The following PARP8 variants were observed in gnomAD, a reference collection of about 807,000 sequenced individuals.
PARP8 encodes protein mono-ADP-ribosyltransferase PARP8.
In PARP8, 51 loss-of-function variants were observed where a neutral mutation model predicts 124.1. The ratio of observed to expected loss-of-function variants is 0.41; its 90% CI spans 0.33 to 0.52. The LOEUF is 0.52. Ranked by LOEUF, PARP8 falls within the 20% of genes least tolerant of loss-of-function variation. The pLI is 0.21. For synonymous variants in PARP8, 391 were observed against 361.5 expected (o/e 1.08, Z -0.93); for missense variants, 860 against 1,018.9 (o/e 0.84, Z 2.12).
In PARP8 at chr5:50,799,867, G is replaced by T. The variant is rs567984520; in HGVS notation, c.1575+2634G>T. ...GACACAGCAAGAAGATCAATTTGTG[G>T]CCTTACTGTCACTCTGGTCTATGAA... On this transcript the variant is annotated intron_variant, in intron 14 of 25. Coordinates refer to ENST00000281631, the MANE Select transcript of PARP8 (RefSeq NM_024615.4). 1.4e-4 allele frequency among the ~76,000 whole-genome samples: 21 copies of T among 152,208 alleles called. 1 individual carries two copies. Among genetic ancestry groups the T allele is most frequent in the African/African-American group, 5.1e-4 (21 of 41,534 alleles).
intron 2 of PARP8, among the ~76,000 whole-genome samples, chr5:50,687,766 T>C (rs1752028919): frequency 6.6e-6 from 1 of 152,166 alleles, no homozygotes; most frequent in Non-Finnish European, 1.5e-5. Flanking sequence ...TCAGATCTCT[T>C]GAGAGTTACT....
rs1278177987 is a variant in PARP8, at chr5:50,844,915, G to C, written c.*2847G>C. The C allele has an allele frequency of 6.6e-6, 1 of 151,022 alleles. No individual in the cohort carries two copies. Among genetic ancestry groups the C allele is most frequent in the African/African-American group, 2.4e-5 (1 of 41,182 alleles). The allele number at this position is 151,022 out of a possible 1,614,324, so 9.4% of individuals were successfully genotyped here. A position where few individuals can be genotyped will look rare whatever the true frequency, so the allele number is the denominator to read the frequency against. ...ATAGTAAGACACTTTTGGTGTCTTC[G>C]AGTGCACTATGTTGGAATAAATTTT... is the stretch of plus-strand genomic sequence containing the variant. On this transcript the variant is annotated 3_prime_UTR_variant, in exon 26 of 26. Transcript: ENST00000281631.
intron 2 of PARP8, among the ~76,000 whole-genome samples, chr5:50,706,599 T>G (rs545233914): frequency 6.6e-6 from 1 of 152,240 alleles, no homozygotes; most frequent in African/African-American, 2.4e-5. Context: ...TATTTTATTT[T>G]TTGTTTTTGC....
At chr5:50,667,246 C>T in intron 1 of PARP8, 60 bp downstream of exon 1, 1 of 1,531,326 alleles carries the variant, frequency 6.5e-7, no homozygotes, top group Non-Finnish European at 8.9e-7. Flanking sequence ...TTTCTGACCG[C>T]GACGTCTGTG....
intron 14 of PARP8, among the ~76,000 whole-genome samples, chr5:50,806,384 T>C (rs1046407629): frequency 1.3e-5 from 2 of 152,042 alleles, no homozygotes; most frequent in African/African-American, 4.8e-5. Context: ...TTGTGGGCAA[T>C]TCATTCCTAT....
rs1251283910 is a variant in PARP8 at position 50,843,616 on chromosome 5, A to C, written c.*1548A>C. 1 of 151,772 alleles carries C rather than the reference A, an allele frequency of 6.6e-6. No individual in the cohort carries two copies. Among genetic ancestry groups the C allele is most frequent in the African/African-American group, 2.4e-5 (1 of 41,368 alleles). The allele number at this position is 151,772 out of a possible 1,614,324, so 9.4% of individuals were successfully genotyped here. Reference sequence around the variant, plus strand: ...AATCATTTTGATAGTATCTACTTAAAGCATTGATCTGTTTTGACTTGTGGC... The same window carrying C: ...AATCATTTTGATAGTATCTACTTAACGCATTGATCTGTTTTGACTTGTGGC... On this transcript the variant is annotated 3_prime_UTR_variant, in exon 26 of 26. Coordinates refer to ENST00000281631, the MANE Select transcript of PARP8 (RefSeq NM_024615.4).
chr5:50,744,978 T>A (rs1284742810), intron 2 of PARP8: 1 of 516,614 alleles, frequency 1.9e-6, no homozygotes, highest in Non-Finnish European at 3.4e-6. Context: ...ACTCATTAGA[T>A]CCTTGAGCCA....
chr5:50,689,206 G>C (rs1752231101), intron 2 of PARP8, among the ~76,000 whole-genome samples: 1 of 151,920 alleles, frequency 6.6e-6, no homozygotes. Context: ...TGTGTTCTCT[G>C]TCCTTTTTTC....
At chr5:50,830,141 A>G (rs1199010832) in intron 22 of PARP8, among the ~76,000 whole-genome samples, 180 bp downstream of exon 22, 1 of 152,178 alleles carries the variant, frequency 6.6e-6, no homozygotes, top group Non-Finnish European at 1.5e-5. Context: ...TACTCTCCCT[A>G]GTGTACAAGA....
chr5:50,762,151 A>C (rs1411086966), intron 6 of PARP8, among the ~76,000 whole-genome samples: 1 of 152,146 alleles, frequency 6.6e-6, no homozygotes. Flanking sequence ...GATTTTGCAG[A>C]TAGTATTTTA....
chr5:50,682,974 C>G (rs1751459847), intron 2 of PARP8, among the ~76,000 whole-genome samples: 1 of 151,906 alleles, frequency 6.6e-6, no homozygotes, highest in Non-Finnish European at 1.5e-5. Context: ...GAAATTAGGA[C>G]TGACCCAAAA....
At chr5:50,764,950 CT>C (rs1430610887) in intron 7 of PARP8, among the ~76,000 whole-genome samples, 1 of 151,746 alleles carries the variant, frequency 6.6e-6, no homozygotes. Context: ...TAGACTTCAA[CT>C]TCTTTTTTTT....
chr5:50,715,795 TACAA>T (rs1200231058), intron 2 of PARP8, among the ~76,000 whole-genome samples: 1 of 152,110 alleles, frequency 6.6e-6, no homozygotes, highest in Non-Finnish European at 1.5e-5. Context: ...TTAGATTTTT[TACAA>T]ACAGTTATGT....
chr5:50,731,828 T>C (rs1334024927), intron 2 of PARP8, among the ~76,000 whole-genome samples: 1 of 152,168 alleles, frequency 6.6e-6, no homozygotes, highest in Non-Finnish European at 1.5e-5. Flanking sequence ...AGCCAGGTTA[T>C]TTTGTAAATT....
At chr5:50,755,406 C>A (rs1224248765) in intron 3 of PARP8, among the ~76,000 whole-genome samples, 2 of 152,150 alleles carry the variant, frequency 1.3e-5, no homozygotes, top group Non-Finnish European at 2.9e-5. Flanking sequence ...TATGGCTAGC[C>A]AGTTTTCCCA....
intron 15 of PARP8, among the ~76,000 whole-genome samples, 186 bp downstream of exon 15, chr5:50,815,710 T>G (rs1205881839): frequency 1.3e-5 from 2 of 152,218 alleles, no homozygotes; most frequent in Non-Finnish European, 2.9e-5. Flanking sequence ...GTGTGTTTCG[T>G]TATTTTGTGA....
In PARP8 at chr5:50,795,387, ACCATCT is replaced by A; in HGVS notation, c.1399_1404del (p.Pro467_Ser468del). 1 of 1,602,900 alleles carries A rather than the reference ACCATCT, an allele frequency of 6.2e-7. No individual in the cohort carries two copies. The highest frequency in any genetic ancestry group is 1.3e-5 in the African/African-American group (1 of 74,216). ...CCTCAGGGCTTATTGGTATCCTAAC[ACCATCT>A]TCATCTTCATCTTCTCAGCTTGCTG... On this transcript the variant is annotated inframe_deletion, in exon 12 of 26. Transcript: ENST00000281631.
At chr5:50,774,713 G>A (rs545922215) in intron 7 of PARP8, among the ~76,000 whole-genome samples, 134 of 132,076 alleles carry the variant, frequency 1.0e-3, no homozygotes, top group Non-Finnish European at 1.8e-3. Context: ...CAGACGGGGC[G>A]GTGGGGCAGA....
chr5:50,723,343 G>GTA (rs1347490601), intron 2 of PARP8, among the ~76,000 whole-genome samples: 1 of 152,014 alleles, frequency 6.6e-6, no homozygotes, highest in Non-Finnish European at 1.5e-5. Context: ...TCTCTACTAG[G>GTA]TATAGATTGT....
Sources: gnomAD v4.1 joint callset for allele counts (sites outside exome capture counted in the v4.1 genomes callset) on GRCh38, gnomAD v4.1.1 for gene constraint, MANE v1.5 for transcripts, NCBI Gene and HGNC (gene_info 2026-07-23, HGNC 2026-07-21) for gene names.